ERBB3: variants seen among roughly 807,000 people sequenced by gnomAD.
ERBB3 encodes the protein erb-b2 receptor tyrosine kinase 3.
ERBB3 carries 96 observed loss-of-function variants against 156.7 expected under a neutral mutation model. That is an observed-to-expected ratio of 0.61 (90% CI 0.52 to 0.73). ERBB3 has a LOEUF of 0.73. Among genes scored for constraint, ERBB3 ranks in the 30% least tolerant of loss-of-function variants. The pLI is 0.00. For missense variants in ERBB3, 1,406 were observed against 1,709.4 expected (o/e 0.82, Z 3.13); for synonymous variants, 567 against 632.0 (o/e 0.90, Z 1.54).
rs1868789029 is a variant in ERBB3, at chr12:56,093,566, T to C, written c.1480+16T>C. 6.2e-7 allele frequency: 1 copy of C among 1,606,012 alleles called. No homozygotes were observed. Among genetic ancestry groups the C allele is most frequent in the Admixed American group, 1.7e-5 (1 of 59,946 alleles). On this transcript the variant is annotated intron_variant, in intron 12 of 27. Transcript: ENST00000267101. The stretch of plus-strand genomic sequence containing the variant: ...AGAGACTGCGGTGAGGGAAAGGGTC[T>C]GCTAGGTGGTGAGAATAGGGAGTCA...
At chr12:56,080,629 CA>C (rs1193885551) in intron 1 of ERBB3, among the ~76,000 whole-genome samples, 1 of 152,234 alleles carries the variant, frequency 6.6e-6, no homozygotes, top group African/African-American at 2.4e-5. Flanking sequence ...TTGGTCTCCC[CA>C]GAAGAGGCTG....
Position 56,080,305 on chromosome 12 carries a change from G to A in ERBB3, c.5G>A (p.Arg2Lys), listed in dbSNP as rs1448565511. 2 of 1,567,938 alleles carry A rather than the reference G, an allele frequency of 1.3e-6. No homozygotes were observed. Among genetic ancestry groups the A allele is most frequent in the Non-Finnish European group, 1.7e-6 (2 of 1,155,262 alleles). The change falls in exon 1 of 28, where the codon AGG becomes AAG. Residue 2 changes from arginine to lysine, a missense_variant. By Grantham distance (26) the Arg-to-Lys change is conservative. Coordinates refer to ENST00000267101, the MANE Select transcript of ERBB3 (RefSeq NM_001982.4). Reference sequence around the variant, plus strand: ...CCCTTCACCCTCTGCGGAGTCATGAGGGCGAACGACGCTCTGCAGGTGCTG... The same window carrying A: ...CCCTTCACCCTCTGCGGAGTCATGAAGGCGAACGACGCTCTGCAGGTGCTG... M[R>K]ANDALQVLGL...
Position 56,094,201 on chromosome 12 carries a change from G to C in ERBB3, c.1704+12G>C. Reference sequence around the variant, plus strand: ...CATGCAATGGCTCGGTATACTAGTAGCACCAGGATCTCCAAGGGAGACAGA... The same window carrying C: ...CATGCAATGGCTCGGTATACTAGTACCACCAGGATCTCCAAGGGAGACAGA... On this transcript the variant is annotated intron_variant, in intron 14 of 27. Coordinates refer to ENST00000267101, the MANE Select transcript of ERBB3 (RefSeq NM_001982.4). 6.2e-7 allele frequency: 1 copy of C among 1,606,478 alleles called. No individual in the cohort carries two copies. Among genetic ancestry groups the C allele is most frequent in the Non-Finnish European group, 8.5e-7 (1 of 1,173,038 alleles).
In ERBB3 at chr12:56,095,214, T is replaced by G. The variant is rs141435873; in HGVS notation, c.1860-43T>G. On this transcript the variant is annotated intron_variant, in intron 15 of 27. Coordinates refer to ENST00000267101, the MANE Select transcript of ERBB3 (RefSeq NM_001982.4). The stretch of plus-strand genomic sequence containing the variant: ...TGTTAGGCTGTTGAAATTGAGCCTC[T>G]GCTGTCCAAGCTCTCATTTAAGGTG... The G allele has an allele frequency of 6.8e-6, 10 of 1,470,128 alleles. No homozygotes were observed. The East Asian group carries it at 2.0e-4, about 30-fold the overall frequency. The allele number at this position is 1,470,128 out of a possible 1,614,324, so 91.1% of individuals were successfully genotyped here.
chr12:56,083,526 T>A, intron 1 of ERBB3: 3 of 580,576 alleles, frequency 5.2e-6, no homozygotes, highest in Non-Finnish European at 9.3e-6. Flanking sequence ...AGGAAATCTT[T>A]TCACCTTCCC....
Position 56,086,377 on chromosome 12 carries a change from G to A in ERBB3, c.422-154G>A, listed in dbSNP as rs911162076. On this transcript the variant is annotated intron_variant, in intron 3 of 27. Coordinates refer to ENST00000267101, the MANE Select transcript of ERBB3 (RefSeq NM_001982.4). ...TTGGCCTGACTCCTCATCTTATAAA[G>A]GGAGTCTTCTCTGCAGCTTAGATTT... is the stretch of plus-strand genomic sequence containing the variant. 6.7e-6 allele frequency: 6 copies of A among 897,360 alleles called. No homozygotes were observed. In the African/African-American group the frequency reaches 8.2e-5, roughly 12 times the overall value. The allele number at this position is 897,360 out of a possible 1,614,324, so 55.6% of individuals were successfully genotyped here.
chr12:56,099,979 C>A lies in ERBB3; in HGVS notation c.3079C>A (p.Leu1027Met), dbSNP rs781015952. 6 of 1,614,256 alleles carry A rather than the reference C, an allele frequency of 3.7e-6. No homozygotes were observed. Among genetic ancestry groups the A allele is most frequent in the Middle Eastern group, 1.6e-4 (1 of 6,062 alleles). ...GGAGGACAACCTGGCAACCACCACACTGGGCTCCGCCCTCAGCCTACCAGT... is the reference window on the plus strand; with the variant it reads ...GGAGGACAACCTGGCAACCACCACAATGGGCTCCGCCCTCAGCCTACCAGT... ...AEEDNLATTT[L>M]GSALSLPVGT... is the part of the protein sequence containing the mutation. Residue 1027 changes from leucine (L) to methionine (M), a missense_variant, in exon 25 of 28, where the codon CTG (leucine) becomes ATG (methionine). By Grantham distance (15) the Leu-to-Met change is conservative. Around this residue, in one of 3 missense-constraint regions of ERBB3, gnomAD observed 415 missense variants for 454.1 expected, o/e 0.91. Transcript: ENST00000267101.
chr12:56,099,664 G>A lies in ERBB3; in HGVS notation c.2856G>A (p.Glu952=), dbSNP rs1230898250. The A allele has an allele frequency of 1.9e-6, 3 of 1,613,866 alleles. No homozygotes were observed. The highest frequency in any genetic ancestry group is 2.5e-6 in the Non-Finnish European group (3 of 1,179,936). ...MVMVKCWMID[E]NIRPTFKELA... ...TATCTCCAGGTTGGATGATTGATGA[G>A]AACATTCGCCCAACCTTTAAAGAAC... is the stretch of plus-strand genomic sequence containing the variant. Residue 952 remains glutamate (E), a synonymous_variant, in exon 24 of 28, where the codon GAG becomes GAA. Coordinates refer to ENST00000267101, the MANE Select transcript of ERBB3 (RefSeq NM_001982.4).
rs1555212754 is a variant in ERBB3, at chr12:56,102,818, A to AAC, written c.*764_*765insCA. 1.4e-5 allele frequency: 3 copies of AAC among 213,062 alleles called. No individual in the cohort carries two copies. The highest frequency in any genetic ancestry group is 2.8e-5 in the Non-Finnish European group (3 of 106,140). The allele number at this position is 213,062 out of a possible 1,614,324, so 13.2% of individuals were successfully genotyped here. A position where few individuals can be genotyped will look rare whatever the true frequency, so the allele number is the denominator to read the frequency against. ...ACCCCCATCTCTTTAAAAAAAAAAA[A>AAC]AAAAAAAAAAAAAAAACTTTAGAAC... On this transcript the variant is annotated 3_prime_UTR_variant, in exon 28 of 28. Coordinates refer to ENST00000267101, the MANE Select transcript of ERBB3 (RefSeq NM_001982.4).
Position 56,099,759 on chromosome 12 carries a change from A to T in ERBB3, c.2937+14A>T. ...CTGGTCATAAAGGTGAGTAGGGAGTAGGAGGTGCTAAGGAAATTTAGAAAA... is the reference window on the plus strand; with the variant it reads ...CTGGTCATAAAGGTGAGTAGGGAGTTGGAGGTGCTAAGGAAATTTAGAAAA... On this transcript the variant is annotated intron_variant, in intron 24 of 27. Transcript: ENST00000267101. 1 of 1,613,152 alleles carries T rather than the reference A, an allele frequency of 6.2e-7. No homozygotes were observed. The highest frequency in any genetic ancestry group is 8.5e-7 in the Non-Finnish European group (1 of 1,179,060).
intron 20 of ERBB3, among the ~76,000 whole-genome samples, chr12:56,097,557 C>T (rs964450455): frequency 1.3e-5 from 2 of 152,164 alleles, no homozygotes; most frequent in African/African-American, 4.8e-5. Context: ...AGGTTGTGCA[C>T]TCCTTATGAG....
rs936752723 is a variant in ERBB3, at chr12:56,088,538, C to G, written c.875-5C>G. ...CTCTAATGGTGTCCTCCTCCTCTTCCCTAGATAACTTTGTGGTGGATCAAA... is the reference window on the plus strand; with the variant it reads ...CTCTAATGGTGTCCTCCTCCTCTTCGCTAGATAACTTTGTGGTGGATCAAA... On this transcript the variant is annotated splice_region_variant and splice_polypyrimidine_tract_variant and intron_variant, in intron 7 of 27. Transcript: ENST00000267101. 6.2e-7 allele frequency: 1 copy of G among 1,601,316 alleles called. No homozygotes were observed. Among genetic ancestry groups the G allele is most frequent in the Non-Finnish European group, 8.6e-7 (1 of 1,168,498 alleles).
In ERBB3 at chr12:56,101,103, G is replaced by A. The variant is rs2136828266; in HGVS notation, c.3244G>A (p.Val1082Ile). 3 of 1,614,112 alleles carry A rather than the reference G, an allele frequency of 1.9e-6. No individual in the cohort carries two copies. The highest frequency in any genetic ancestry group is 2.5e-6 in the Non-Finnish European group (3 of 1,180,022). ...SGSSERCPRP[V>I]SLHPMPRGCL... is the part of the protein sequence containing the mutation. ...GAGCAGTGAACGGTGCCCCCGTCCA[G>A]TCTCTCTACACCCAATGCCACGGGG... The change falls in exon 27 of 28, where the codon GTC (valine) becomes ATC (isoleucine). Residue 1082 changes from valine (V) to isoleucine (I), a missense_variant. Transcript: ENST00000267101.
At chr12:56,089,684 G>C (rs1447988094) in intron 9 of ERBB3, among the ~76,000 whole-genome samples, 3 of 151,690 alleles carry the variant, frequency 2.0e-5, no homozygotes, top group Non-Finnish European at 4.4e-5. Flanking sequence ...GGCGGAAATT[G>C]CAGTGAACCG....
chr12:56,099,067 TC>T, intron 23 of ERBB3, 162 bp downstream of exon 23: 1 of 674,630 alleles, frequency 1.5e-6, no homozygotes, highest in East Asian at 2.7e-5. Flanking sequence ...CAAGAGATTC[TC>T]CTGCTTCAGC....
In ERBB3 at chr12:56,096,576, G is replaced by C; in HGVS notation, c.2129G>C (p.Arg710Thr). Residue 710 changes from arginine (R) to threonine (T), a missense_variant, in exon 18 of 28, where the codon AGG becomes ACG. By Grantham distance (71) the Arg-to-Thr change is moderately conservative (BLOSUM62 -1). Transcript: ENST00000267101. Reference sequence around the variant, plus strand: ...AGAATCTTCAAAGAGACAGAGCTAAGGAAGCTTAAAGTGCTTGGCTCGGGT... The same window carrying C: ...AGAATCTTCAAAGAGACAGAGCTAACGAAGCTTAAAGTGCTTGGCTCGGGT... ...LARIFKETEL[R>T]KLKVLGSGVF... 1.2e-6 allele frequency: 2 copies of C among 1,614,192 alleles called. No individual in the cohort carries two copies. The highest frequency in any genetic ancestry group is 1.7e-6 in the Non-Finnish European group (2 of 1,180,026).
intron 1 of ERBB3, among the ~76,000 whole-genome samples, chr12:56,081,227 G>A (rs549568636): frequency 5.3e-5 from 8 of 152,144 alleles, no homozygotes; most frequent in African/African-American, 1.7e-4. Context: ...TGTGCCTCCC[G>A]CCCCCATTTT....
chr12:56,101,988 C>G lies in ERBB3; in HGVS notation c.3962C>G (p.Ser1321Cys). 6.2e-7 allele frequency: 1 copy of G among 1,613,786 alleles called. No homozygotes were observed. Among genetic ancestry groups the G allele is most frequent in the East Asian group, 2.2e-5 (1 of 44,882 alleles). Reference sequence around the variant, plus strand: ...CTACGTAGCTTAGAGGCTACAGACTCTGCCTTTGATAACCCTGATTACTGG... The same window carrying G: ...CTACGTAGCTTAGAGGCTACAGACTGTGCCTTTGATAACCCTGATTACTGG... ...KTLRSLEATD[S>C]AFDNPDYWHS... Residue 1321 changes from serine to cysteine, a missense_variant, in exon 28 of 28, where the codon TCT becomes TGT. Ser to Cys is a moderately radical substitution (Grantham distance 112). This residue lies in a region of ERBB3 where 415 missense variants were observed against 454.1 expected (regional missense o/e 0.91). Transcript: ENST00000267101.
intron 14 of ERBB3, 50 bp downstream of exon 14, chr12:56,094,239 C>T: frequency 6.6e-7 from 1 of 1,506,756 alleles, no homozygotes; most frequent in South Asian, 1.1e-5. Flanking sequence ...AGGGGCAATA[C>T]TTGGAGCATC....
Sources: allele counts gnomAD v4.1 joint callset (sites outside exome capture counted in the v4.1 genomes callset), GRCh38; gene constraint gnomAD v4.1.1; regional missense constraint gnomAD v4.1.1; transcripts MANE v1.5; gene names NCBI Gene and HGNC (gene_info 2026-07-23, HGNC 2026-07-21).